The following PPP1R9A variants were observed in gnomAD, a reference collection of about 807,000 sequenced individuals.
PPP1R9A encodes the protein neurabin-1.
PPP1R9A carries 59 observed loss-of-function variants against 141.9 expected under a neutral mutation model. The ratio of observed to expected loss-of-function variants is 0.42; its 90% CI spans 0.34 to 0.52. The LOEUF is 0.52. Ranked by LOEUF, PPP1R9A falls within the 20% of genes least tolerant of loss-of-function variation. The pLI, the probability that PPP1R9A is intolerant of heterozygous loss-of-function variation, is 0.10. For synonymous variants in PPP1R9A, 500 were observed against 569.7 expected, an observed-to-expected ratio of 0.88 and a Z score of 1.74; for missense variants, 1,444 against 1,611.9, an observed-to-expected ratio of 0.90 and a Z score of 1.78.
At chr7:95,226,495 T>C (rs1202590053) in intron 8 of PPP1R9A, among the ~76,000 whole-genome samples, 1 of 152,236 alleles carries the variant, frequency 6.6e-6, no homozygotes, top group Non-Finnish European at 1.5e-5. Context: ...AATAGGTTTC[T>C]AATAAGCATC....
At chr7:94,930,643 T>C (rs1794045880) in intron 2 of PPP1R9A, among the ~76,000 whole-genome samples, 1 of 152,114 alleles carries the variant, frequency 6.6e-6, no homozygotes, top group Non-Finnish European at 1.5e-5. Context: ...CCCAGCCCTA[T>C]CTTTATACTT....
intron 4 of PPP1R9A, among the ~76,000 whole-genome samples, chr7:95,146,187 C>T (rs1827577141): frequency 6.6e-6 from 1 of 152,158 alleles, no homozygotes; most frequent in Non-Finnish European, 1.5e-5. Context: ...TTAATGATTG[C>T]CATTCTTACT....
intron 8 of PPP1R9A, among the ~76,000 whole-genome samples, chr7:95,240,323 ATTAT>A (rs745964510): frequency 2.0e-5 from 3 of 151,850 alleles, no homozygotes; most frequent in Non-Finnish European, 2.9e-5. Context: ...TCTTTCATTG[ATTAT>A]TTGTCTTTTT....
intron 5 of PPP1R9A, among the ~76,000 whole-genome samples, chr7:95,163,863 G>T (rs539706549): frequency 6.6e-6 from 1 of 152,024 alleles, no homozygotes; most frequent in African/African-American, 2.4e-5. Flanking sequence ...CCTCAGCCTC[G>T]CAAGTAGCTG....
chr7:95,045,306 C>T (rs1039588498), intron 2 of PPP1R9A, among the ~76,000 whole-genome samples: 1 of 152,166 alleles, frequency 6.6e-6, no homozygotes, highest in Non-Finnish European at 1.5e-5. Flanking sequence ...GAGACCTAAA[C>T]GGGCACTTTG....
At chr7:95,194,924 A>G (rs1004497199) in intron 5 of PPP1R9A, among the ~76,000 whole-genome samples, 3 of 152,142 alleles carry the variant, frequency 2.0e-5, no homozygotes, top group Non-Finnish European at 2.9e-5. Flanking sequence ...GCAATTCTAA[A>G]TTAAACCCAA....
rs117612805 is a variant in PPP1R9A, at chr7:94,985,964, A to G, written c.1395+74456A>G. 9.3e-3 allele frequency among the ~76,000 whole-genome samples: 1,412 copies of G among 152,296 alleles called. 85 individuals are homozygous for G. The highest frequency in any genetic ancestry group is 0.081 in the Admixed American group (1,238 of 15,276). On this transcript the variant is annotated intron_variant, in intron 2 of 19. Coordinates refer to ENST00000433360, the MANE Select transcript of PPP1R9A (RefSeq NM_001166160.2). Reference sequence around the variant, plus strand: ...TTTGGCTGTTGGGAGGAGGAGACATAATAGCTTTTTTCAGATATTCAGTGT... The same window carrying G: ...TTTGGCTGTTGGGAGGAGGAGACATGATAGCTTTTTTCAGATATTCAGTGT...
intron 2 of PPP1R9A, among the ~76,000 whole-genome samples, chr7:95,065,196 G>A (rs780236406): frequency 1.3e-5 from 2 of 152,070 alleles, no homozygotes; most frequent in Non-Finnish European, 2.9e-5. Context: ...CTCCTGAGTA[G>A]CTGTGACTAC....
intron 5 of PPP1R9A, chr7:95,176,345 T>A (rs1832891012): frequency 6.6e-6 from 1 of 151,992 alleles, no homozygotes; most frequent in Non-Finnish European, 1.5e-5. Flanking sequence ...CACAAAAGAA[T>A]CTGAACAACA....
At chr7:95,052,073 CAA>C (rs1810897583) in intron 2 of PPP1R9A, among the ~76,000 whole-genome samples, 1 of 152,008 alleles carries the variant, frequency 6.6e-6, no homozygotes, top group Admixed American at 6.6e-5. Context: ...CTCCTGACCT[CAA>C]GTGATTCACC....
At chr7:95,013,810 C>T (rs1804743678) in intron 2 of PPP1R9A, among the ~76,000 whole-genome samples, 1 of 152,088 alleles carries the variant, frequency 6.6e-6, no homozygotes, top group Non-Finnish European at 1.5e-5. Context: ...AAATCTTTCA[C>T]TTGATCAACA....
At chr7:95,002,916 T>C (rs1301674176) in intron 2 of PPP1R9A, among the ~76,000 whole-genome samples, 2 of 152,142 alleles carry the variant, frequency 1.3e-5, no homozygotes, top group African/African-American at 2.4e-5. Context: ...TCATTACTCC[T>C]TGGATGGCTA....
intron 2 of PPP1R9A, among the ~76,000 whole-genome samples, chr7:95,001,480 A>G (rs574913396): frequency 1.3e-5 from 2 of 152,328 alleles, no homozygotes; most frequent in African/African-American, 4.8e-5. Flanking sequence ...GAGAGCCTGT[A>G]AGTCATGTAA....
intron 2 of PPP1R9A, among the ~76,000 whole-genome samples, chr7:94,921,583 GTTAA>G (rs1350580042): frequency 1.3e-5 from 2 of 151,828 alleles, no homozygotes; most frequent in African/African-American, 4.8e-5. Flanking sequence ...ACTTTTCATT[GTTAA>G]TTGATATTAT....
Position 94,910,945 on chromosome 7 carries a change from C to T in PPP1R9A, c.832C>T (p.Pro278Ser). 6.2e-7 allele frequency: 1 copy of T among 1,614,084 alleles called. No homozygotes were observed. The highest frequency in any genetic ancestry group is 8.5e-7 in the Non-Finnish European group (1 of 1,180,002). Residue 278 changes from proline (P) to serine (S), a missense_variant, in exon 2 of 20, where the codon CCA (proline) becomes TCA (serine). Around this residue, in one of 5 missense-constraint regions of PPP1R9A, gnomAD observed 490 missense variants for 521.1 expected, o/e 0.94. Coordinates refer to ENST00000433360, the MANE Select transcript of PPP1R9A (RefSeq NM_001166160.2). This position sits in a 1 kb window ranked among gnomAD's most constrained non-coding sequence, Gnocchi z 4.5. ...GGATGCTCACAAGAGTAATGCAACT[C>T]CAGTACCAGAAGTGGCTTCTAAAAG... ...TEDAHKSNATPVPEVASKSTS... is the reference protein window; with the variant it reads ...TEDAHKSNATSVPEVASKSTS...
intron 1 of PPP1R9A, among the ~76,000 whole-genome samples, chr7:94,909,584 A>G (rs1025596210): frequency 2.0e-5 from 3 of 152,148 alleles, no homozygotes; most frequent in African/African-American, 7.2e-5. Context: ...CACAAAAGCG[A>G]CCAAAACTTG....
Position 95,198,380 on chromosome 7 carries a change from G to A in PPP1R9A, c.1786G>A (p.Val596Met). 4 of 1,611,786 alleles carry A rather than the reference G, an allele frequency of 2.5e-6. No homozygotes were observed. The highest frequency in any genetic ancestry group is 3.4e-6 in the Non-Finnish European group (4 of 1,179,260). Residue 596 changes from valine (V) to methionine (M), a missense_variant, in exon 6 of 20, where the codon GTG becomes ATG. Physicochemically the swap from Val to Met is conservative, Grantham distance 21 (BLOSUM62 1). Around this residue, in one of 5 missense-constraint regions of PPP1R9A, gnomAD observed 488 missense variants for 542.0 expected, o/e 0.90. Transcript: ENST00000433360. ...TATTGGGCGGGAAAAACCAGGACAA[G>A]TGAGCGAGGTTGCCCAGTTGATAAG... ...FVIGREKPGQ[V>M]SEVAQLISQT...
chr7:95,254,293 T>C (rs1799282969), intron 12 of PPP1R9A, among the ~76,000 whole-genome samples: 1 of 152,182 alleles, frequency 6.6e-6, no homozygotes. Flanking sequence ...GAATTTCAGT[T>C]GCTTGATCAC....
Position 95,198,650 on chromosome 7 carries a change from G to A in PPP1R9A, c.1890+166G>A, listed in dbSNP as rs146031778. 7.7e-3 allele frequency among the ~76,000 whole-genome samples: 1,165 copies of A among 152,200 alleles called. 28 individuals carry two copies. The highest frequency in any genetic ancestry group is 0.041 in the Admixed American group (622 of 15,296). On this transcript the variant is annotated intron_variant, in intron 6 of 19. Transcript: ENST00000433360. ...GAAATACTACTCGCATCTGATATAC[G>A]CTTAAGAATCAAGTCATGGTATCCT...
Sources: gnomAD v4.1 joint callset for allele counts (sites outside exome capture counted in the v4.1 genomes callset) on GRCh38, gnomAD v4.1.1 for gene constraint, gnomAD v4.1.1 regional missense constraint, Gnocchi (gnomAD v3.1) non-coding constraint, MANE v1.5 for transcripts, NCBI Gene and HGNC (gene_info 2026-07-23, HGNC 2026-07-21) for gene names.